Variants in NEK7 observed in about 807,000 individuals in gnomAD.
NEK7 encodes serine/threonine-protein kinase Nek7.
In NEK7, 18 loss-of-function variants were observed where a neutral mutation model predicts 44.6. That is an observed-to-expected ratio of 0.40 (90% CI 0.28 to 0.60). The LOEUF (loss-of-function observed/expected upper bound fraction) is 0.60, where lower values mean the gene tolerates loss of function less well. Ranked by LOEUF, NEK7 falls within the 20% of genes least tolerant of loss-of-function variation. NEK7 has a pLI of 0.38. For synonymous variants in NEK7, 130 were observed against 121.1 expected, an observed-to-expected ratio of 1.07 and a Z score of -0.48; for missense variants, 256 against 366.5, an observed-to-expected ratio of 0.70 and a Z score of 2.46.
intron 1 of NEK7, among the ~76,000 whole-genome samples, chr1:198,161,580 A>G (rs1204190396): frequency 1.3e-5 from 2 of 152,120 alleles, no homozygotes. Context: ...CAATTTGTTG[A>G]TCTTCCACAG....
At chr1:198,205,817 CAGCTTACTGT>C (rs1010499505) in intron 1 of NEK7, among the ~76,000 whole-genome samples, 4 of 151,958 alleles carry the variant, frequency 2.6e-5, no homozygotes, top group African/African-American at 9.7e-5. Flanking sequence ...AGTAAAAAGG[CAGCTTACTGT>C]AGCTTTTTTT....
At chr1:198,236,044 T>A (rs1666537177) in intron 2 of NEK7, among the ~76,000 whole-genome samples, 1 of 152,148 alleles carries the variant, frequency 6.6e-6, no homozygotes, top group South Asian at 2.1e-4. Context: ...GGAGTGACTG[T>A]GGAGGGATGA....
chr1:198,251,271 G>A (rs1021731346), intron 2 of NEK7, among the ~76,000 whole-genome samples: 6 of 151,612 alleles, frequency 4.0e-5, no homozygotes, highest in Admixed American at 1.3e-4. Context: ...TGCTGGATTC[G>A]GTTTGTCAGT....
intron 1 of NEK7, among the ~76,000 whole-genome samples, chr1:198,187,317 T>C (rs745778190): frequency 6.6e-6 from 1 of 152,122 alleles, no homozygotes; most frequent in Non-Finnish European, 1.5e-5. Context: ...TCAGCATTGC[T>C]CCTGAGAATT....
At chr1:198,313,548 AT>A (rs1198068540) in intron 9 of NEK7, among the ~76,000 whole-genome samples, 77 of 131,432 alleles carry the variant, frequency 5.9e-4, no homozygotes, top group African/African-American at 2.3e-3. Context: ...TGGTCTTTAC[AT>A]TTTGGGATGA....
At chr1:198,310,665 A>T (rs1655153539) in intron 9 of NEK7, among the ~76,000 whole-genome samples, 1 of 152,274 alleles carries the variant, frequency 6.6e-6, no homozygotes, top group South Asian at 2.1e-4. Context: ...ACATACGGCT[A>T]GTCAGTTTCC....
Position 198,262,565 on chromosome 1 carries a change from C to T in NEK7, c.199-10C>T. The T allele has an allele frequency of 6.4e-7, 1 of 1,557,452 alleles. No individual in the cohort carries two copies. Among genetic ancestry groups the T allele is most frequent in the Non-Finnish European group, 8.8e-7 (1 of 1,135,792 alleles). On this transcript the variant is annotated splice_polypyrimidine_tract_variant and intron_variant, in intron 3 of 9. Coordinates refer to ENST00000367385, the MANE Select transcript of NEK7 (RefSeq NM_133494.3). ...TTATTTTATTAAGTAATTCTGGGTT[C>T]TGTTTTTAGATATTTGATTTAATGG...
intron 3 of NEK7, among the ~76,000 whole-genome samples, chr1:198,254,351 G>T: frequency 6.6e-6 from 1 of 151,634 alleles, no homozygotes; most frequent in African/African-American, 2.4e-5. Flanking sequence ...TTTCTTTATT[G>T]TTTTTCCTAC....
intron 2 of NEK7, among the ~76,000 whole-genome samples, chr1:198,252,528 CTATATATATATATATATATATATATA>C (rs1162099133): frequency 1.2e-4 from 4 of 32,694 alleles, no homozygotes; most frequent in African/African-American, 1.5e-4. Flanking sequence ...ATCTCACATA[CTATATATATATATATATATATATATA>C]TATATATATA....
At chr1:198,242,933 G>T (rs1489941498) in intron 2 of NEK7, among the ~76,000 whole-genome samples, 1 of 151,328 alleles carries the variant, frequency 6.6e-6, no homozygotes, top group African/African-American at 2.4e-5. Flanking sequence ...GCCTCCCAAA[G>T]TGCTGGGAGT....
At chr1:198,256,658 A>T in intron 3 of NEK7, 1 of 728,458 alleles carries the variant, frequency 1.4e-6, no homozygotes, top group Non-Finnish European at 2.1e-6. Context: ...AGGCTTTAGG[A>T]AGATTAAGAT....
At chr1:198,292,022 G>A (rs1454227813) in intron 7 of NEK7, among the ~76,000 whole-genome samples, 1 of 151,836 alleles carries the variant, frequency 6.6e-6, no homozygotes, top group Non-Finnish European at 1.5e-5. Flanking sequence ...ACATATTTTT[G>A]GTAGCCCTTC....
Position 198,184,310 on chromosome 1 carries a change from CAG to C in NEK7, c.-29+27035_-29+27036del, listed in dbSNP as rs564209149. On this transcript the variant is annotated intron_variant, in intron 1 of 9. Transcript: ENST00000367385. Reference sequence around the variant, plus strand: ...CCTTTATAACAATTGGTTTATGACTCAGTGCGATTTTTCTTGAAGGGGTAGAT... The same window carrying C: ...CCTTTATAACAATTGGTTTATGACTCTGCGATTTTTCTTGAAGGGGTAGAT... 7.9e-5 allele frequency among the ~76,000 whole-genome samples: 12 copies of C among 152,216 alleles called. No homozygotes were observed. The East Asian group carries it at 2.3e-3, about 29-fold the overall frequency.
intron 5 of NEK7, among the ~76,000 whole-genome samples, chr1:198,276,160 A>G (rs182984468): frequency 2.0e-5 from 3 of 151,674 alleles, no homozygotes; most frequent in African/African-American, 7.2e-5. Flanking sequence ...CGTCTTCCCT[A>G]TTGTGCAATT....
At position 198,232,601 on chromosome 1, in the gene NEK7, A is replaced by T. The variant is rs758107174; in HGVS notation, c.21A>T (p.Gly7=). 2 of 1,607,242 alleles carry T rather than the reference A, an allele frequency of 1.2e-6. No individual in the cohort carries two copies. The highest frequency in any genetic ancestry group is 2.2e-5 in the South Asian group (2 of 90,920). Residue 7 remains glycine, a synonymous_variant, in exon 2 of 10, where the codon GGA becomes GGT. Transcript: ENST00000367385. MDEQSQ[G]MQGPPVPQFQ... is the part of the protein sequence containing the mutation. The stretch of plus-strand genomic sequence containing the variant: ...AGACAATGGATGAGCAATCACAAGG[A>T]ATGCAAGGGCCACCTGTTCCTCAGT...
At chr1:198,168,097 A>G (rs1189397078) in intron 1 of NEK7, among the ~76,000 whole-genome samples, 1 of 152,216 alleles carries the variant, frequency 6.6e-6, no homozygotes, top group Non-Finnish European at 1.5e-5. Flanking sequence ...TTTATTTATT[A>G]TAAGAAGATG....
At chr1:198,230,960 T>A (rs991290443) in intron 1 of NEK7, among the ~76,000 whole-genome samples, 1 of 151,944 alleles carries the variant, frequency 6.6e-6, no homozygotes, top group Non-Finnish European at 1.5e-5. Flanking sequence ...CCCATATTAT[T>A]AAGATGTCAA....
At chr1:198,222,025 A>G (rs1309716368) in intron 1 of NEK7, among the ~76,000 whole-genome samples, 1 of 151,840 alleles carries the variant, frequency 6.6e-6, no homozygotes, top group African/African-American at 2.4e-5. Context: ...TATCAGGGTC[A>G]TATGAATTAT....
Position 198,257,409 on chromosome 1 carries a change from A to G in NEK7, c.198+4229A>G, listed in dbSNP as rs1261279637. 2.0e-5 allele frequency among the ~76,000 whole-genome samples: 3 copies of G among 152,202 alleles called. 1 individual carries two copies. Among genetic ancestry groups the G allele is most frequent in the Admixed American group, 2.0e-4 (3 of 15,272 alleles). The stretch of plus-strand genomic sequence containing the variant: ...AAGTTTAGATTCTGCATGTTTGCAT[A>G]TAATTAGAAATTAGGATTATATATG... On this transcript the variant is annotated intron_variant, in intron 3 of 9. Coordinates refer to ENST00000367385, the MANE Select transcript of NEK7 (RefSeq NM_133494.3).
Sources: allele counts gnomAD v4.1 joint callset (sites outside exome capture counted in the v4.1 genomes callset), GRCh38; gene constraint gnomAD v4.1.1; transcripts MANE v1.5; gene names NCBI Gene and HGNC (gene_info 2026-07-23, HGNC 2026-07-21).